Variants in CDH23 observed in about 807,000 individuals in gnomAD.
CDH23 encodes the protein cadherin related 23, also known as cadherin-23.
CDH23 carries 189 observed loss-of-function variants against 317.1 expected under a neutral mutation model. That is an observed-to-expected ratio of 0.60 (90% CI 0.53 to 0.67). The LOEUF is 0.67. Ranked by LOEUF, CDH23 falls within the 30% of genes least tolerant of loss-of-function variation. CDH23 has a pLI of 0.00. For synonymous variants in CDH23, 1,839 were observed against 1,876.8 expected (o/e 0.98, Z 0.52); for missense variants, 4,401 against 4,592.4 (o/e 0.96, Z 1.20).
At chr10:71,577,222 C>T (rs1211377100) in intron 8 of CDH23, among the ~76,000 whole-genome samples, 8 of 152,140 alleles carry the variant, frequency 5.3e-5, no homozygotes, top group Non-Finnish European at 1.2e-4. Context: ...AGAACGCGTT[C>T]CCCTGGCTTC....
At chr10:71,783,443 A>C (rs1218583310) in intron 41 of CDH23, among the ~76,000 whole-genome samples, 2 of 152,210 alleles carry the variant, frequency 1.3e-5, no homozygotes, top group African/African-American at 4.8e-5. Flanking sequence ...TCTGTCATTC[A>C]CTTGCTGCAG....
At chr10:71,715,029 CAG>C (rs1866146629) in intron 28 of CDH23, 1 of 152,260 alleles carries the variant, frequency 6.6e-6, no homozygotes, top group African/African-American at 2.4e-5. Context: ...CTAGTGTGGG[CAG>C]GACTTGGGAC....
At chr10:71,747,019 C>G (rs932609434) in intron 38 of CDH23, among the ~76,000 whole-genome samples, 1 of 152,178 alleles carries the variant, frequency 6.6e-6, no homozygotes, top group Non-Finnish European at 1.5e-5. Flanking sequence ...TCAGAAGGTC[C>G]CAGCCTGGCC....
intron 1 of CDH23, among the ~76,000 whole-genome samples, chr10:71,427,229 GAAAGAAAGAAAGAAAGGGAAAGAA>G (rs1849135176): frequency 1.4e-5 from 1 of 71,800 alleles, no homozygotes; most frequent in Admixed American, 1.3e-4. Context: ...AAGAAAGAAA[GAAAGAAAGAAAGAAAGGGAAAGAA>G]AGAAAGAGAA....
Position 71,759,918 on chromosome 10 carries a change from TATAC to T in CDH23, c.4846-17760_4846-17757del, listed in dbSNP as rs1840273590. 9.2e-5 allele frequency among the ~76,000 whole-genome samples: 6 copies of T among 65,572 alleles called. 1 individual carries two copies. In the South Asian group the frequency reaches 2.0e-3, roughly 22 times the overall value. 43.0% of individuals were successfully genotyped at this position (65,572 alleles called of 152,430 possible). On this transcript the variant is annotated intron_variant, in intron 38 of 69. Transcript: ENST00000224721. ...ACACACATATATACACACACACATA[TATAC>T]ACACACACATATATACACACACACA...
intron 11 of CDH23, among the ~76,000 whole-genome samples, chr10:71,623,326 G>A (rs1256960441): frequency 6.6e-6 from 1 of 152,248 alleles, no homozygotes; most frequent in Non-Finnish European, 1.5e-5. Flanking sequence ...TCCCCTACAA[G>A]GGCAGAGATC....
chr10:71,663,371 C>G (rs145227534), intron 14 of CDH23, among the ~76,000 whole-genome samples: 1 of 152,376 alleles, frequency 6.6e-6, no homozygotes, highest in Non-Finnish European at 1.5e-5. Context: ...GCTTCTCCCT[C>G]AGTTGCCTGC....
chr10:71,488,442 G>T (rs1040791335), intron 3 of CDH23, among the ~76,000 whole-genome samples: 2 of 152,148 alleles, frequency 1.3e-5, no homozygotes, highest in African/African-American at 2.4e-5. Flanking sequence ...TTCTAGTGCT[G>T]CCCTGGCCAC....
chr10:71,523,586 C>T (rs1395106383), intron 6 of CDH23, among the ~76,000 whole-genome samples: 1 of 152,178 alleles, frequency 6.6e-6, no homozygotes, highest in Non-Finnish European at 1.5e-5. Context: ...GGGTCGGAGC[C>T]AGCAGCCGGG....
At chr10:71,515,384 TCTCTCTCTCTCACA>T (rs1290099954) in intron 6 of CDH23, among the ~76,000 whole-genome samples, 6 of 127,056 alleles carry the variant, frequency 4.7e-5, no homozygotes, top group African/African-American at 1.4e-4. Flanking sequence ...TCTCTCTCTC[TCTCTCTCTCTCACA>T]CACACACACA....
chr10:71,750,949 G>T, intron 38 of CDH23: 1 of 346,620 alleles, frequency 2.9e-6, no homozygotes. Flanking sequence ...CTGCTGAAGG[G>T]CTGGACGTTC....
chr10:71,625,934 A>T (rs1459269363), intron 11 of CDH23, among the ~76,000 whole-genome samples: 2 of 152,224 alleles, frequency 1.3e-5, no homozygotes, highest in Non-Finnish European at 2.9e-5. Flanking sequence ...TGGTATTAGC[A>T]TTACCTGTGG....
At chr10:71,709,011 C>A (rs1232503245) in intron 26 of CDH23, 87 bp from the exon 27 acceptor site, 6 of 1,195,490 alleles carry the variant, frequency 5.0e-6, no homozygotes, top group South Asian at 1.3e-5. Context: ...CTCACCATCG[C>A]GGGTCCCAGC....
rs765875896 is a variant in CDH23, at chr10:71,815,776, T to C, written c.*498T>C. On this transcript the variant is annotated 3_prime_UTR_variant, in exon 70 of 70. Coordinates refer to ENST00000224721, the MANE Select transcript of CDH23 (RefSeq NM_022124.6). The stretch of plus-strand genomic sequence containing the variant: ...TCTCTGCTGGACGTCCAGGTGGAGG[T>C]GGCATCCCCACGTGGACAAGAAAGT... 7.6e-5 allele frequency: 12 copies of C among 157,144 alleles called. No homozygotes were observed. Among genetic ancestry groups the C allele is most frequent in the Non-Finnish European group, 1.3e-4 (9 of 71,098 alleles). 9.7% of individuals were successfully genotyped at this position (157,144 alleles called of 1,614,324 possible). A position where few individuals can be genotyped will look rare whatever the true frequency, so the allele number is the denominator to read the frequency against.
chr10:71,632,930 A>C (rs1862083782), intron 11 of CDH23, among the ~76,000 whole-genome samples: 1 of 152,146 alleles, frequency 6.6e-6, no homozygotes, highest in Non-Finnish European at 1.5e-5. Context: ...TGAGAAGTCC[A>C]AGGTCAGGGG....
intron 11 of CDH23, chr10:71,617,661 TC>T: frequency 4.3e-6 from 2 of 466,596 alleles, no homozygotes; most frequent in Non-Finnish European, 5.6e-6. Context: ...ATCATACTAA[TC>T]TAGTAGGGAT....
chr10:71,640,578 T>C (rs1309966923), intron 11 of CDH23, among the ~76,000 whole-genome samples: 2 of 152,006 alleles, frequency 1.3e-5, no homozygotes, highest in East Asian at 3.9e-4. Context: ...TGAAACCCCG[T>C]CTCTACTAAA....
At chr10:71,742,349 T>G (rs1370686657) in intron 38 of CDH23, among the ~76,000 whole-genome samples, 3 of 152,328 alleles carry the variant, frequency 2.0e-5, no homozygotes, top group African/African-American at 7.2e-5. Context: ...TCTGGCCCTC[T>G]TCCCCTACAT....
chr10:71,771,047 A>G (rs1840672577), intron 38 of CDH23, among the ~76,000 whole-genome samples: 1 of 152,176 alleles, frequency 6.6e-6, no homozygotes, highest in Non-Finnish European at 1.5e-5. Context: ...TTTGCTATGA[A>G]GGAGAAGATG....
Sources: gnomAD v4.1 joint callset for allele counts (sites outside exome capture counted in the v4.1 genomes callset) on GRCh38, gnomAD v4.1.1 for gene constraint, MANE v1.5 for transcripts, NCBI Gene and HGNC (gene_info 2026-07-23, HGNC 2026-07-21) for gene names.